Variants in TFEC observed in about 807,000 individuals in gnomAD.
TFEC encodes the protein transcription factor EC.
In TFEC, 31 loss-of-function variants were observed where a neutral mutation model predicts 41.6. That is an observed-to-expected ratio of 0.74 (90% CI 0.56 to 1.01). The LOEUF (loss-of-function observed/expected upper bound fraction) is 1.01, where lower values mean the gene tolerates loss of function less well. Among genes scored for constraint, TFEC ranks in the 50% least tolerant of loss-of-function variants. TFEC has a pLI of 0.00. For missense variants in TFEC, 402 were observed against 404.1 expected, an observed-to-expected ratio of 0.99 and a Z score of 0.04; for synonymous variants, 143 against 140.6, an observed-to-expected ratio of 1.02 and a Z score of -0.12.
chr7:116,010,050 G>A (rs181366338), intron 1 of TFEC, among the ~76,000 whole-genome samples: 2 of 152,160 alleles, frequency 1.3e-5, no homozygotes, highest in African/African-American at 4.8e-5. Context: ...AAAGCATTTC[G>A]GAGAGATGGA....
intron 1 of TFEC, among the ~76,000 whole-genome samples, chr7:115,989,322 C>T (rs1562915942): frequency 6.6e-6 from 1 of 152,172 alleles, no homozygotes; most frequent in Non-Finnish European, 1.5e-5. Flanking sequence ...TCTACAACTC[C>T]CAGCGTGAGT....
intron 1 of TFEC, among the ~76,000 whole-genome samples, chr7:116,130,940 T>C (rs1798319839): frequency 6.6e-6 from 1 of 152,180 alleles, no homozygotes; most frequent in Non-Finnish European, 1.5e-5. Flanking sequence ...GACTTCATCT[T>C]CATTCCCTTT....
chr7:115,963,527 T>A (rs771425235), intron 3 of TFEC, among the ~76,000 whole-genome samples: 2 of 151,690 alleles, frequency 1.3e-5, no homozygotes, highest in Non-Finnish European at 2.9e-5. Context: ...CAAATGTCCA[T>A]CAACAGATGA....
intron 3 of TFEC, among the ~76,000 whole-genome samples, chr7:116,049,189 T>C (rs1796246207): frequency 1.3e-5 from 2 of 151,952 alleles, no homozygotes; most frequent in East Asian, 1.9e-4. Context: ...GACTAGCAAA[T>C]TGGATAAAGA....
At chr7:116,108,606 G>A (rs1192812492) in intron 3 of TFEC, among the ~76,000 whole-genome samples, 4 of 152,078 alleles carry the variant, frequency 2.6e-5, no homozygotes, top group African/African-American at 9.7e-5. Flanking sequence ...CTGAGAGCAT[G>A]AGACTTGGGT....
rs1277955681 is a variant in TFEC, at chr7:115,939,737, CAAAAG to C, written c.*809_*813del. On this transcript the variant is annotated 3_prime_UTR_variant, in exon 8 of 8. Transcript: ENST00000265440. Reference sequence around the variant, plus strand: ...GATGCAGTCAGAAGCATGAAGAAAACAAAAGAACATATACTACCTGAATGATGTGC... The same window carrying C: ...GATGCAGTCAGAAGCATGAAGAAAACAACATATACTACCTGAATGATGTGC... The C allele has an allele frequency of 6.6e-6, 1 of 151,948 alleles. No individual in the cohort carries two copies. Among genetic ancestry groups the C allele is most frequent in the Non-Finnish European group, 1.5e-5 (1 of 67,954 alleles). The allele number at this position is 151,948 out of a possible 1,614,324, so 9.4% of individuals were successfully genotyped here.
At chr7:116,106,062 T>C (rs773664753) in intron 3 of TFEC, among the ~76,000 whole-genome samples, 17 of 152,110 alleles carry the variant, frequency 1.1e-4, no homozygotes, top group African/African-American at 2.4e-4. Flanking sequence ...TCCAAGAAGA[T>C]AGAGCTTCCC....
At position 115,940,351 on chromosome 7, in the gene TFEC, C is replaced by G; in HGVS notation, c.*200G>C. On this transcript the variant is annotated 3_prime_UTR_variant, in exon 8 of 8. Coordinates refer to ENST00000265440, the MANE Select transcript of TFEC (RefSeq NM_012252.4). The stretch of plus-strand genomic sequence containing the variant: ...ACTCCGTAGTCAAAGAAGAAAACAC[C>G]TTTTTTTCGCCCTCAATAATTCATT... 8 of 541,280 alleles carry G rather than the reference C, an allele frequency of 1.5e-5. No homozygotes were observed. Among genetic ancestry groups the G allele is most frequent in the Non-Finnish European group, 2.1e-5 (7 of 328,174 alleles). The allele number at this position is 541,280 out of a possible 1,614,324, so 33.5% of individuals were successfully genotyped here.
chr7:115,982,189 G>T (rs1363830902), intron 2 of TFEC, among the ~76,000 whole-genome samples: 1 of 151,680 alleles, frequency 6.6e-6, no homozygotes, highest in Non-Finnish European at 1.5e-5. Context: ...TGATGTCACA[G>T]GTGGAAAAGG....
chr7:116,134,402 A>G (rs1273570781), intron 1 of TFEC, among the ~76,000 whole-genome samples: 1 of 152,172 alleles, frequency 6.6e-6, no homozygotes, highest in East Asian at 1.9e-4. Context: ...TAAATCAATT[A>G]CACATTGTAC....
intron 3 of TFEC, among the ~76,000 whole-genome samples, chr7:116,095,504 T>G (rs1279980470): frequency 2.0e-5 from 3 of 152,202 alleles, no homozygotes; most frequent in African/African-American, 7.2e-5. Flanking sequence ...CCAATATATG[T>G]GACTAATACA....
chr7:115,944,718 G>A, intron 6 of TFEC, among the ~76,000 whole-genome samples: 1 of 151,426 alleles, frequency 6.6e-6, no homozygotes, highest in Non-Finnish European at 1.5e-5. Flanking sequence ...GTGTTTAGGA[G>A]ATAAGCCCCA....
At chr7:116,127,931 T>A (rs1477684437) in intron 1 of TFEC, among the ~76,000 whole-genome samples, 1 of 152,168 alleles carries the variant, frequency 6.6e-6, no homozygotes, top group African/African-American at 2.4e-5. Context: ...CTACTCTTTT[T>A]TTAATCCATC....
At chr7:116,111,275 C>T (rs879791471) in intron 2 of TFEC, among the ~76,000 whole-genome samples, 9 of 151,980 alleles carry the variant, frequency 5.9e-5, no homozygotes, top group Non-Finnish European at 1.2e-4. Context: ...TCAAAGGTGA[C>T]TGCTGGGTTA....
chr7:116,142,438 A>G (rs1419211516), intron 1 of TFEC, among the ~76,000 whole-genome samples: 2 of 152,196 alleles, frequency 1.3e-5, no homozygotes, highest in South Asian at 4.1e-4. Context: ...CCTACCAGCT[A>G]CAATTGTACT....
chr7:115,940,512 G>T lies in TFEC; in HGVS notation c.*39C>A, dbSNP rs1303246835. 1.9e-6 allele frequency: 3 copies of T among 1,563,762 alleles called. No homozygotes were observed. The highest frequency in any genetic ancestry group is 2.6e-6 in the Non-Finnish European group (3 of 1,153,616). On this transcript the variant is annotated 3_prime_UTR_variant, in exon 8 of 8. Coordinates refer to ENST00000265440, the MANE Select transcript of TFEC (RefSeq NM_012252.4). ...AGCATAATTGCATAGCACCAGCATA[G>T]AATTGCTTTCCAGTTGATGAATTGG...
Position 115,984,459 on chromosome 7 carries a change from G to A in TFEC, c.-18C>T. ...AGGGTCATGAAAGAGTTTACTTTCT[G>A]TCTCTGGGCTTTCTGTAGCTGAGGC... On this transcript the variant is annotated 5_prime_UTR_variant, in exon 2 of 8. Transcript: ENST00000265440. 1 of 1,614,054 alleles carries A rather than the reference G, an allele frequency of 6.2e-7. No individual in the cohort carries two copies. Among genetic ancestry groups the A allele is most frequent in the Non-Finnish European group, 8.5e-7 (1 of 1,179,964 alleles).
chr7:115,995,677 G>A (rs907085134), intron 1 of TFEC, among the ~76,000 whole-genome samples: 1 of 152,184 alleles, frequency 6.6e-6, no homozygotes, highest in Non-Finnish European at 1.5e-5. Context: ...ATCACTGAGA[G>A]AGACACTGGA....
At position 116,007,992 on chromosome 7, in the gene TFEC, GA is replaced by G. The variant is rs201706140; in HGVS notation, c.-73+22640del. On this transcript the variant is annotated intron_variant, in intron 1 of 7. Transcript: ENST00000265440. The stretch of plus-strand genomic sequence containing the variant: ...TGCTTTGTTAAAACCAGTCCCAAGG[GA>G]AAGTGATTCCTCTCCAGAAAGCAGG... 5.6e-3 allele frequency among the ~76,000 whole-genome samples: 850 copies of G among 152,228 alleles called. 9 individuals are homozygous for G. The highest frequency in any genetic ancestry group is 0.02 in the African/African-American group (821 of 41,538).
Sources: gnomAD v4.1 joint callset for allele counts (sites outside exome capture counted in the v4.1 genomes callset) on GRCh38, gnomAD v4.1.1 for gene constraint, MANE v1.5 for transcripts, NCBI Gene and HGNC (gene_info 2026-07-23, HGNC 2026-07-21) for gene names.